The following FBXO5 variants were observed in gnomAD, a reference collection of about 807,000 sequenced individuals.
FBXO5 encodes the protein F-box only protein 5.
In FBXO5, 8 loss-of-function variants were observed where a neutral mutation model predicts 43.3. The observed-to-expected ratio is 0.18, with a 90% CI of 0.11 to 0.33. The LOEUF (loss-of-function observed/expected upper bound fraction) is 0.33, where lower values mean the gene tolerates loss of function less well. Among genes scored for constraint, FBXO5 ranks in the 10% least tolerant of loss-of-function variants. The pLI is 1.00. For synonymous variants in FBXO5, 204 were observed against 193.7 expected (o/e 1.05, Z -0.44); for missense variants, 491 against 535.7 (o/e 0.92, Z 0.82).
intron 1 of FBXO5, among the ~76,000 whole-genome samples, chr6:152,976,389 T>C (rs2236012): frequency 0.21 from 31,389 of 152,106 alleles, 3,481 homozygotes; most frequent in African/African-American, 0.29. Flanking sequence ...GACCTTCTAA[T>C]ATATTCAAAG....
upstream of FBXO5, chr6:152,983,192 A>G: frequency 2.5e-6 from 1 of 393,112 alleles, no homozygotes; most frequent in Non-Finnish European, 4.5e-6. Flanking sequence ...GAGGCTGCCG[A>G]GGCGGGGCCG....
At chr6:152,973,537 A>T (rs1778118139) in intron 2 of FBXO5, 1 of 159,534 alleles carries the variant, frequency 6.3e-6, no homozygotes, top group African/African-American at 2.4e-5. Context: ...TCACTATGTT[A>T]ACAGAAAAAG....
At chr6:152,981,850 GTTAT>G (rs1778265518) in intron 1 of FBXO5, among the ~76,000 whole-genome samples, 1 of 151,914 alleles carries the variant, frequency 6.6e-6, no homozygotes, top group African/African-American at 2.4e-5. Context: ...TTCATTTTGG[GTTAT>G]TTCTCAGGTA....
intron 1 of FBXO5, among the ~76,000 whole-genome samples, chr6:152,977,281 T>C (rs1258586554): frequency 2.0e-5 from 3 of 151,868 alleles, no homozygotes; most frequent in Non-Finnish European, 2.9e-5. Flanking sequence ...CATATATAGC[T>C]AACAATTTAT....
At position 152,982,938 on chromosome 6, in the gene FBXO5, A is replaced by AG; in HGVS notation, c.21dup (p.Cys8LeufsTer28). On this transcript the variant is annotated frameshift_variant, in exon 1 of 5. Transcript: ENST00000229758. LOFTEE classifies it high-confidence loss of function. The stretch of plus-strand genomic sequence containing the variant: ...GAGCAGCGGGGTGGCCGTAGGGCGC[A>AG]GCTGCAGGGGCGCCGGCTCATGCCA... 7.0e-7 allele frequency: 1 copy of AG among 1,436,522 alleles called. No individual in the cohort carries two copies. The allele number at this position is 1,436,522 out of a possible 1,614,324, so 89.0% of individuals were successfully genotyped here.
chr6:152,983,009 G>T lies in FBXO5; in HGVS notation c.-50C>A. 1 of 1,176,102 alleles carries T rather than the reference G, an allele frequency of 8.5e-7. No homozygotes were observed. Among genetic ancestry groups the T allele is most frequent in the Admixed American group, 4.0e-5 (1 of 24,796 alleles). 72.9% of individuals were successfully genotyped at this position (1,176,102 alleles called of 1,614,324 possible). A position where few individuals can be genotyped will look rare whatever the true frequency, so the allele number is the denominator to read the frequency against. ...AGGTGGAGGAACCGCTCCGGGGGCA[G>T]CTGAGCAACCTGCCTGCTTCACAGA... On this transcript the variant is annotated 5_prime_UTR_variant, in exon 1 of 5. The change creates a new upstream start codon in the 5' untranslated region. Transcript: ENST00000229758.
At chr6:152,972,929 G>T in intron 3 of FBXO5, 117 bp downstream of exon 3, 1 of 646,440 alleles carries the variant, frequency 1.5e-6, no homozygotes, top group Non-Finnish European at 2.6e-6. Context: ...TCCAGTATAA[G>T]GCTGAAATAC....
Position 152,971,394 on chromosome 6 carries a change from C to T in FBXO5, c.1113G>A (p.Lys371=). Residue 371 remains lysine, a synonymous_variant, in exon 5 of 5, where the codon AAG becomes AAA. Transcript: ENST00000229758. ...EFSEVAKTLK[K]NESLKACIRC... ...GAATACAGGCTTTGAGGCTTTCGTT[C>T]TTTTTCAATGTCTTGGCAACCTAAA... The T allele has an allele frequency of 6.2e-7, 1 of 1,603,144 alleles. No homozygotes were observed.
intron 4 of FBXO5, 81 bp downstream of exon 4, chr6:152,972,190 AC>A (rs1778096351): frequency 1.0e-6 from 1 of 973,250 alleles, no homozygotes; most frequent in Non-Finnish European, 1.5e-6. Context: ...GAGCAAAGTT[AC>A]ATTTTGACCT....
At chr6:152,983,302 C>G (rs997573661), upstream of FBXO5, 1 of 246,036 alleles carries the variant, frequency 4.1e-6, no homozygotes. Context: ...GGCCGCGGCC[C>G]GGCCACACGT....
chr6:152,975,687 T>G, intron 1 of FBXO5, 66 bp from the exon 2 acceptor site: 1 of 997,322 alleles, frequency 1.0e-6, no homozygotes. Context: ...CTTCTTAAAT[T>G]GGGATATACA....
At chr6:152,972,992 A>C (rs1778109462) in intron 3 of FBXO5, 54 bp downstream of exon 3, 2 of 1,392,688 alleles carry the variant, frequency 1.4e-6, no homozygotes, top group Non-Finnish European at 2.0e-6. Context: ...TTCTATTTCT[A>C]GAAGAGCACT....
chr6:152,973,011 AT>A (rs1778109849), intron 3 of FBXO5, 34 bp downstream of exon 3: 2 of 1,550,276 alleles, frequency 1.3e-6, no homozygotes, highest in East Asian at 4.5e-5. Flanking sequence ...CTAACAGTGC[AT>A]TTTTAACTAA....
chr6:152,981,021 G>C (rs996905519), intron 1 of FBXO5, among the ~76,000 whole-genome samples: 8 of 152,160 alleles, frequency 5.3e-5, no homozygotes, highest in African/African-American at 1.9e-4. Flanking sequence ...TTTGAAAGTA[G>C]TAAAACACAT....
At chr6:152,979,986 T>C (rs897538003) in intron 1 of FBXO5, among the ~76,000 whole-genome samples, 5 of 152,238 alleles carry the variant, frequency 3.3e-5, no homozygotes, top group African/African-American at 7.2e-5. Context: ...ATGAAATTAA[T>C]GTATTTTTCA....
At chr6:152,977,152 T>G (rs948556546) in intron 1 of FBXO5, among the ~76,000 whole-genome samples, 1 of 152,174 alleles carries the variant, frequency 6.6e-6, no homozygotes, top group African/African-American at 2.4e-5. Flanking sequence ...GAAAACTGTT[T>G]AGCATTGTTG....
Position 152,972,314 on chromosome 6 carries a change from A to T in FBXO5, c.1050T>A (p.Asp350Glu). 1 of 1,612,744 alleles carries T rather than the reference A, an allele frequency of 6.2e-7. No individual in the cohort carries two copies. Among genetic ancestry groups the T allele is most frequent in the Non-Finnish European group, 8.5e-7 (1 of 1,179,150 alleles). ...GTCGACTATAAGTAGAACCTTTCTG[A>T]TCACCTTGATTGGATAACTTGGTTT... ...DAQTKLSNQGDQKGSTYSRHN... is the reference protein window; with the variant it reads ...DAQTKLSNQGEQKGSTYSRHN... Residue 350 changes from aspartate (D) to glutamate (E), a missense_variant, in exon 4 of 5, where the codon GAT becomes GAA. Coordinates refer to ENST00000229758, the MANE Select transcript of FBXO5 (RefSeq NM_012177.5).
chr6:152,977,031 C>T (rs1778179620), intron 1 of FBXO5, among the ~76,000 whole-genome samples: 3 of 152,322 alleles, frequency 2.0e-5, no homozygotes, highest in South Asian at 2.1e-4. Context: ...CAGTTGAGAA[C>T]CACAACTCTA....
intron 1 of FBXO5, among the ~76,000 whole-genome samples, chr6:152,978,683 T>A (rs1304416322): frequency 6.6e-6 from 1 of 152,114 alleles, no homozygotes; most frequent in Admixed American, 6.5e-5. Context: ...TATTTTCACA[T>A]GGATAATTAG....
Sources: allele counts gnomAD v4.1 joint callset (sites outside exome capture counted in the v4.1 genomes callset), GRCh38; gene constraint gnomAD v4.1.1; transcripts MANE v1.5; gene names NCBI Gene and HGNC (gene_info 2026-07-23, HGNC 2026-07-21).